CLSTN2: variants seen among roughly 807,000 people sequenced by gnomAD.
CLSTN2 encodes calsyntenin 2.
A neutral mutation model predicts 101.2 loss-of-function variants in CLSTN2; 48 were observed. The observed-to-expected ratio is 0.47, with a 90% CI of 0.38 to 0.60. The LOEUF (loss-of-function observed/expected upper bound fraction) is 0.60. CLSTN2 is among the 20% of genes least tolerant of loss of function. CLSTN2 has a pLI of 0.00. For synonymous variants in CLSTN2, 481 were observed against 463.6 expected (o/e 1.04, Z -0.48); for missense variants, 1,160 against 1,238.2 (o/e 0.94, Z 0.95).
At chr3:140,548,720 A>G (rs557848) in intron 10 of CLSTN2, among the ~76,000 whole-genome samples, 3 of 152,176 alleles carry the variant, frequency 2.0e-5, no homozygotes, top group African/African-American at 7.2e-5. Context: ...GAGGAAAAAG[A>G]TGGAAGGTGC....
At chr3:140,173,364 C>G (rs866006453) in intron 1 of CLSTN2, among the ~76,000 whole-genome samples, 1 of 152,236 alleles carries the variant, frequency 6.6e-6, no homozygotes, top group African/African-American at 2.4e-5. Flanking sequence ...GGAAGCTCCA[C>G]CTCTGTTGCT....
At chr3:140,528,903 G>T (rs1256405912) in intron 8 of CLSTN2, among the ~76,000 whole-genome samples, 1 of 152,172 alleles carries the variant, frequency 6.6e-6, no homozygotes, top group African/African-American at 2.4e-5. Context: ...AATCTTGAAA[G>T]CAAAGGACCT....
chr3:140,519,826 G>A (rs966464218), intron 8 of CLSTN2, among the ~76,000 whole-genome samples: 1 of 152,096 alleles, frequency 6.6e-6, no homozygotes, highest in African/African-American at 2.4e-5. Context: ...GGCTAGTGTT[G>A]TGTATGAATT....
intron 1 of CLSTN2, among the ~76,000 whole-genome samples, chr3:140,032,244 T>C (rs2107760289): frequency 6.6e-6 from 1 of 152,312 alleles, no homozygotes; most frequent in African/African-American, 2.4e-5. Flanking sequence ...TAACCTTTTT[T>C]TTTTTTTGAG....
At chr3:140,540,615 GAGC>G (rs147476933) in intron 9 of CLSTN2, among the ~76,000 whole-genome samples, 4,078 of 152,250 alleles carry the variant, frequency 0.027, 188 homozygotes, top group African/African-American at 0.093. Context: ...GCCATACACA[GAGC>G]AGCATCCAAC....
At chr3:140,153,585 A>C (rs1213894783) in intron 1 of CLSTN2, among the ~76,000 whole-genome samples, 1 of 152,256 alleles carries the variant, frequency 6.6e-6, no homozygotes, top group Non-Finnish European at 1.5e-5. Flanking sequence ...TGTTGTTAAA[A>C]AGGAAATCAA....
intron 2 of CLSTN2, among the ~76,000 whole-genome samples, chr3:140,339,646 CAG>C: frequency 6.6e-6 from 1 of 152,286 alleles, no homozygotes; most frequent in South Asian, 2.1e-4. Flanking sequence ...GGCCTTGAAA[CAG>C]AGGCTTAGAT....
intron 1 of CLSTN2, among the ~76,000 whole-genome samples, chr3:139,954,025 G>C (rs2107811514): frequency 6.6e-6 from 1 of 151,656 alleles, no homozygotes; most frequent in Non-Finnish European, 1.5e-5. Flanking sequence ...TTGTTATATG[G>C]GTAAATTGCA....
intron 1 of CLSTN2, among the ~76,000 whole-genome samples, chr3:139,968,942 C>CT (rs1049367309): frequency 2.4e-4 from 36 of 152,076 alleles, no homozygotes; most frequent in Admixed American, 3.9e-4. Flanking sequence ...ATTATTAACA[C>CT]TTTTTTCTCA....
At chr3:140,043,149 A>G (rs1157631285) in intron 1 of CLSTN2, among the ~76,000 whole-genome samples, 2 of 152,112 alleles carry the variant, frequency 1.3e-5, no homozygotes, top group Non-Finnish European at 2.9e-5. Context: ...AACAGTGTAA[A>G]AGTGTTCCTG....
chr3:140,438,553 A>G (rs1002916596), intron 5 of CLSTN2, among the ~76,000 whole-genome samples: 5 of 151,892 alleles, frequency 3.3e-5, no homozygotes, highest in African/African-American at 1.2e-4. Flanking sequence ...ATTGAAAAAT[A>G]TGTGCATGAA....
chr3:140,105,912 G>A (rs2009050138), intron 1 of CLSTN2, among the ~76,000 whole-genome samples: 1 of 152,134 alleles, frequency 6.6e-6, no homozygotes, highest in African/African-American at 2.4e-5. Context: ...GAGGTGATGG[G>A]GCCTGAGTAA....
chr3:140,211,571 T>C (rs2010856183), intron 2 of CLSTN2, among the ~76,000 whole-genome samples: 1 of 151,184 alleles, frequency 6.6e-6, no homozygotes, highest in African/African-American at 2.4e-5. Flanking sequence ...TGTGTGTGTA[T>C]ATATATGAAT....
chr3:140,433,680 C>T (rs948483074), intron 5 of CLSTN2, among the ~76,000 whole-genome samples: 6 of 152,186 alleles, frequency 3.9e-5, no homozygotes, highest in African/African-American at 1.4e-4. Flanking sequence ...GTGGCATCTG[C>T]AAAATGAGGT....
intron 1 of CLSTN2, among the ~76,000 whole-genome samples, chr3:140,136,207 A>G (rs923219262): frequency 6.6e-6 from 1 of 152,188 alleles, no homozygotes; most frequent in Non-Finnish European, 1.5e-5. Context: ...CCTATTGATG[A>G]GCATAGGCAA....
intron 1 of CLSTN2, among the ~76,000 whole-genome samples, chr3:140,061,199 A>G (rs1056526407): frequency 2.6e-4 from 40 of 152,176 alleles, no homozygotes; most frequent in Non-Finnish European, 5.6e-4. Flanking sequence ...TCTATTTTGC[A>G]ACCAATGTGG....
At chr3:140,468,253 G>A (rs1933755847) in intron 8 of CLSTN2, among the ~76,000 whole-genome samples, 1 of 152,156 alleles carries the variant, frequency 6.6e-6, no homozygotes, top group Admixed American at 6.5e-5. Flanking sequence ...ACAAATTGAA[G>A]TGAATTAAAA....
chr3:140,448,154 G>A (rs577270202), intron 5 of CLSTN2, among the ~76,000 whole-genome samples: 3 of 152,272 alleles, frequency 2.0e-5, no homozygotes, highest in South Asian at 4.2e-4. Context: ...GCGTGGACGG[G>A]TGTGGCTCAT....
rs1033354856 is a variant in CLSTN2, at chr3:140,573,937, G to A, written c.*7684G>A. ...AGAACATGCAGTTGAATGATGTGGT[G>A]CCTGGCCAGGACCTTGGAAAACGTG... On this transcript the variant is annotated 3_prime_UTR_variant, in exon 17 of 17. Transcript: ENST00000458420. The A allele has an allele frequency of 6.6e-6, 1 of 152,460 alleles. No homozygotes were observed. The highest frequency in any genetic ancestry group is 1.9e-4 in the East Asian group (1 of 5,190). The allele number at this position is 152,460 out of a possible 1,614,324, so 9.4% of individuals were successfully genotyped here. A position where few individuals can be genotyped will look rare whatever the true frequency, so the allele number is the denominator to read the frequency against.
Sources: gnomAD v4.1 joint callset for allele counts (sites outside exome capture counted in the v4.1 genomes callset) on GRCh38, gnomAD v4.1.1 for gene constraint, MANE v1.5 for transcripts, NCBI Gene and HGNC (gene_info 2026-07-23, HGNC 2026-07-21) for gene names.